Variants in LIPA observed in about 807,000 individuals in gnomAD.
LIPA encodes lysosomal acid lipase/cholesteryl ester hydrolase.
Under a neutral mutation model 40.6 loss-of-function variants are expected in LIPA, and 26 were observed. The observed-to-expected ratio is 0.64, with a 90% CI of 0.47 to 0.89. LIPA has a LOEUF of 0.89. Among genes scored for constraint, LIPA ranks in the 40% least tolerant of loss-of-function variants. The probability of loss-of-function intolerance (pLI) is 0.00; values close to 1 mark genes in which losing one functional copy is unlikely to be tolerated. For synonymous variants in LIPA, 188 were observed against 168.4 expected, an observed-to-expected ratio of 1.12 and a Z score of -0.90; for missense variants, 455 against 479.6, an observed-to-expected ratio of 0.95 and a Z score of 0.48.
intron 1 of LIPA, among the ~76,000 whole-genome samples, chr10:89,296,507 G>GA (rs35995473): frequency 7.6e-6 from 1 of 132,436 alleles, no homozygotes; most frequent in African/African-American, 3.0e-5. Context: ...AAAAAAAAAA[G>GA]AAGAAGAAGA....
intron 1 of LIPA, among the ~76,000 whole-genome samples, chr10:89,291,647 A>AG (rs1843375755): frequency 6.6e-6 from 1 of 152,164 alleles, no homozygotes; most frequent in Non-Finnish European, 1.5e-5. Flanking sequence ...CCATGAGCTG[A>AG]GTGCAATGAT....
chr10:89,228,624 A>C (rs1279532135), intron 3 of LIPA, among the ~76,000 whole-genome samples: 2 of 152,244 alleles, frequency 1.3e-5, no homozygotes, highest in African/African-American at 4.8e-5. Context: ...CATGTCCACT[A>C]ACAAGACACA....
At chr10:89,221,786 T>C (rs1271317725) in intron 8 of LIPA, among the ~76,000 whole-genome samples, 2 of 152,220 alleles carry the variant, frequency 1.3e-5, no homozygotes, top group Non-Finnish European at 2.9e-5. Context: ...ATCTACTATT[T>C]CTATCCATGT....
chr10:89,280,602 T>C (rs932406245), intron 1 of LIPA, among the ~76,000 whole-genome samples: 4 of 152,244 alleles, frequency 2.6e-5, no homozygotes, highest in African/African-American at 9.6e-5. Context: ...CACCCATTCA[T>C]CTCCAGTCAG....
chr10:89,279,082 T>C (rs994500603), intron 1 of LIPA, among the ~76,000 whole-genome samples: 3 of 152,020 alleles, frequency 2.0e-5, no homozygotes, highest in African/African-American at 7.2e-5. Context: ...CCCAGAAAAA[T>C]AGCCACCATT....
intron 2 of LIPA, chr10:89,392,993 C>T: frequency 1.4e-6 from 1 of 718,392 alleles, no homozygotes; most frequent in South Asian, 1.9e-5. Context: ...AAGAGTTTTG[C>T]AGGAAGGGAG....
chr10:89,348,692 T>G (rs1417521192), intron 2 of LIPA, among the ~76,000 whole-genome samples: 1 of 152,240 alleles, frequency 6.6e-6, no homozygotes, highest in Non-Finnish European at 1.5e-5. Flanking sequence ...TGGCTGTTGT[T>G]GTAAGCTATT....
chr10:89,366,825 G>A (rs1286098521), intron 2 of LIPA, among the ~76,000 whole-genome samples: 3 of 152,166 alleles, frequency 2.0e-5, no homozygotes, highest in Non-Finnish European at 1.5e-5. Flanking sequence ...CCATTACTGG[G>A]TATATACCCA....
chr10:89,391,310 C>A (rs888880991), intron 2 of LIPA, among the ~76,000 whole-genome samples: 12 of 152,116 alleles, frequency 7.9e-5, no homozygotes, highest in Middle Eastern at 3.4e-3. Context: ...ACCTCCTGGG[C>A]TCAAGTGAGC....
At chr10:89,413,559 G>A (rs1841495348) in intron 1 of LIPA, among the ~76,000 whole-genome samples, 1 of 152,078 alleles carries the variant, frequency 6.6e-6, no homozygotes, top group Non-Finnish European at 1.5e-5. Flanking sequence ...TTGTGCCCAG[G>A]TGTTGGAGAC....
At chr10:89,253,167 A>G (rs1843155090), upstream of LIPA, among the ~76,000 whole-genome samples, 1 of 152,252 alleles carries the variant, frequency 6.6e-6, no homozygotes, top group South Asian at 2.1e-4. Context: ...AGCATAATCT[A>G]GTTTAGAAAG....
chr10:89,275,627 C>T (rs923252035), intron 1 of LIPA, among the ~76,000 whole-genome samples: 4 of 152,204 alleles, frequency 2.6e-5, no homozygotes, highest in African/African-American at 4.8e-5. Context: ...TATATCCCTT[C>T]CAGTGGCTCT....
At chr10:89,346,812 C>T (rs1468517787), upstream of LIPA, among the ~76,000 whole-genome samples, 4 of 152,178 alleles carry the variant, frequency 2.6e-5, no homozygotes, top group Non-Finnish European at 4.4e-5. Flanking sequence ...CCCAGCCATG[C>T]GCATGATGGC....
intron 2 of LIPA, among the ~76,000 whole-genome samples, chr10:89,381,971 T>C (rs1402496769): frequency 1.3e-5 from 2 of 152,084 alleles, no homozygotes; most frequent in Admixed American, 1.3e-4. Flanking sequence ...GGTTTCACCA[T>C]GTTGCCCAGG....
intron 2 of LIPA, among the ~76,000 whole-genome samples, chr10:89,363,669 C>T (rs1221482505): frequency 1.4e-5 from 2 of 145,974 alleles, no homozygotes; most frequent in Non-Finnish European, 1.5e-5. Context: ...CCCAGCTACT[C>T]GGGAGGCTGA....
chr10:89,239,850 T>C (rs995862990), intron 3 of LIPA, among the ~76,000 whole-genome samples: 1 of 152,160 alleles, frequency 6.6e-6, no homozygotes, highest in Admixed American at 6.5e-5. Flanking sequence ...ACAATTAGTA[T>C]ACGATGCAGC....
intron 1 of LIPA, among the ~76,000 whole-genome samples, chr10:89,264,223 G>T (rs1843224098): frequency 6.6e-6 from 1 of 152,222 alleles, no homozygotes; most frequent in African/African-American, 2.4e-5. Flanking sequence ...CCACCATTCA[G>T]GGGGTCCTGA....
chr10:89,383,324 A>C lies in LIPA; in HGVS notation c.61+29467T>G, dbSNP rs754716330. The C allele has an allele frequency of 1.7e-5, 28 of 1,609,090 alleles. No individual in the cohort carries two copies. The Admixed American group carries it at 2.4e-4, about 14-fold the overall frequency. On this transcript the variant is annotated intron_variant, in intron 2 of 8. Transcript: ENST00000371837. ...ATTGCTGCCTATTTTTACAGTGAAG[A>C]ATCTGATGGAAAGCTTATTGAAGAC...
chr10:89,387,776 G>T (rs1243107371), intron 2 of LIPA, among the ~76,000 whole-genome samples: 2 of 152,286 alleles, frequency 1.3e-5, no homozygotes, highest in South Asian at 2.1e-4. Flanking sequence ...AAATGGATGG[G>T]TGGATAGAGA....
Sources: gnomAD v4.1 joint callset for allele counts (sites outside exome capture counted in the v4.1 genomes callset) on GRCh38, gnomAD v4.1.1 for gene constraint, MANE v1.5 for transcripts, NCBI Gene and HGNC (gene_info 2026-07-23, HGNC 2026-07-21) for gene names.